Variants in TLE1 observed in about 807,000 individuals in gnomAD.
TLE1 encodes the protein transducin-like enhancer protein 1.
Under a neutral mutation model 89.8 loss-of-function variants are expected in TLE1, and 21 were observed. The observed-to-expected ratio is 0.23, with a 90% confidence interval of 0.17 to 0.34. The LOEUF is 0.34. TLE1 is among the 10% of genes least tolerant of loss of function. TLE1 has a pLI of 1.00. For missense variants in TLE1, 795 were observed against 1,031.2 expected, an observed-to-expected ratio of 0.77 and a Z score of 3.14; for synonymous variants, 447 against 407.6, an observed-to-expected ratio of 1.10 and a Z score of -1.16.
chr9:81,675,541 C>T (rs1420442887), intron 4 of TLE1, among the ~76,000 whole-genome samples: 1 of 152,038 alleles, frequency 6.6e-6, no homozygotes, highest in Non-Finnish European at 1.5e-5. Flanking sequence ...AGTCCAAACC[C>T]AAACATATTA....
At chr9:81,594,144 C>T (rs1024706900) in intron 14 of TLE1, among the ~76,000 whole-genome samples, 2 of 152,178 alleles carry the variant, frequency 1.3e-5, no homozygotes, top group African/African-American at 4.8e-5. Context: ...AGAGAGCATA[C>T]TTGCCCTCTT....
intron 6 of TLE1, among the ~76,000 whole-genome samples, chr9:81,639,096 AATT>A (rs1013788180): frequency 6.7e-6 from 1 of 148,824 alleles, no homozygotes; most frequent in Non-Finnish European, 1.5e-5. Context: ...ACACTTGGCT[AATT>A]TTTTTTTATA....
At chr9:81,604,248 T>C (rs1831343155) in intron 14 of TLE1, among the ~76,000 whole-genome samples, 1 of 152,090 alleles carries the variant, frequency 6.6e-6, no homozygotes, top group Non-Finnish European at 1.5e-5. Context: ...CCCGGTGGGG[T>C]CCCCTATGCC....
intron 6 of TLE1, among the ~76,000 whole-genome samples, chr9:81,645,947 T>C (rs1828807738): frequency 6.6e-6 from 1 of 152,152 alleles, no homozygotes; most frequent in Non-Finnish European, 1.5e-5. Flanking sequence ...CTATTTTCTA[T>C]TCTGAAGCTT....
At chr9:81,585,404 G>T in intron 18 of TLE1, 101 bp downstream of exon 18, 1 of 1,437,830 alleles carries the variant, frequency 7.0e-7, no homozygotes, top group Non-Finnish European at 9.5e-7. Flanking sequence ...CAGCTGCTCG[G>T]AGAACATTTT....
At chr9:81,662,659 T>C (rs1032094875) in intron 4 of TLE1, among the ~76,000 whole-genome samples, 27 of 150,808 alleles carry the variant, frequency 1.8e-4, no homozygotes, top group African/African-American at 4.1e-4. Context: ...GATCGCACCA[T>C]TGCACTCCAG....
intron 5 of TLE1, among the ~76,000 whole-genome samples, chr9:81,653,632 A>G (rs1427758117): frequency 6.6e-6 from 1 of 152,190 alleles, no homozygotes; most frequent in Non-Finnish European, 1.5e-5. Flanking sequence ...CCATTTTTAA[A>G]AGTCAGTATG....
chr9:81,663,461 C>G lies in TLE1; in HGVS notation c.235-9425G>C, dbSNP rs141074482. Among the ~76,000 whole-genome samples the G allele has an allele frequency of 2.6e-3, 392 of 152,256 alleles. 3 individuals carry two copies. The highest frequency in any genetic ancestry group is 8.9e-3 in the African/African-American group (370 of 41,542). On this transcript the variant is annotated intron_variant, in intron 4 of 19. Transcript: ENST00000376499. ...CGGCCCTGCCTGCAAAGCAACGCAG[C>G]TGCTGAAAGGCCATACAGCCCAAAC...
rs1825513462 is a variant in TLE1 at position 81,623,318 on chromosome 9, G to A, written c.595-2761C>T. The stretch of plus-strand genomic sequence containing the variant: ...TTAAGAGCTACTTTATACATATTTC[G>A]AGAATTCAGAGACTAAACCTGGGTA... On this transcript the variant is annotated intron_variant, in intron 8 of 19. Transcript: ENST00000376499. Among the ~76,000 whole-genome samples the A allele has an allele frequency of 3.9e-5, 6 of 151,990 alleles. No homozygotes were observed. In the South Asian group the frequency reaches 1.0e-3, roughly 26 times the overall value.
chr9:81,621,712 A>G (rs774050056), intron 8 of TLE1, among the ~76,000 whole-genome samples: 6 of 152,188 alleles, frequency 3.9e-5, no homozygotes, highest in Non-Finnish European at 8.8e-5. Context: ...GCCAGAGGTA[A>G]TCAGCCAGGT....
At chr9:81,687,521 GACATAA>G (rs996127327) in intron 1 of TLE1, 87 bp from the exon 2 acceptor site, 31 of 987,010 alleles carry the variant, frequency 3.1e-5, no homozygotes, top group Middle Eastern at 2.2e-4. Flanking sequence ...GAACGGGTGG[GACATAA>G]ACATAAAGTT....
At chr9:81,638,313 C>T (rs1313868647) in intron 6 of TLE1, among the ~76,000 whole-genome samples, 1 of 152,194 alleles carries the variant, frequency 6.6e-6, no homozygotes, top group Non-Finnish European at 1.5e-5. Flanking sequence ...CTGGCTCTGG[C>T]TTTTCTCAGA....
At chr9:81,587,537 T>C in intron 17 of TLE1, 144 bp downstream of exon 17, 1 of 1,191,366 alleles carries the variant, frequency 8.4e-7, no homozygotes, top group Non-Finnish European at 1.1e-6. Flanking sequence ...GTGGTCATTG[T>C]TTTTAAATTA....
chr9:81,688,170 C>A, intron 1 of TLE1, 47 bp downstream of exon 1: 1 of 1,600,674 alleles, frequency 6.2e-7, no homozygotes, highest in Non-Finnish European at 8.5e-7. Flanking sequence ...GGGAGAAGCG[C>A]CTCCCCAACG....
chr9:81,647,091 C>T (rs1828947051), intron 6 of TLE1, among the ~76,000 whole-genome samples: 2 of 152,042 alleles, frequency 1.3e-5, no homozygotes, highest in African/African-American at 4.8e-5. Context: ...TCTTGATCTC[C>T]TGAAGTTCAC....
intron 6 of TLE1, among the ~76,000 whole-genome samples, chr9:81,646,036 G>T (rs1372200222): frequency 6.6e-6 from 1 of 152,076 alleles, no homozygotes; most frequent in African/African-American, 2.4e-5. Flanking sequence ...AAACTATGTG[G>T]GTGGGTTGAT....
At chr9:81,619,191 T>C (rs1393537782) in intron 9 of TLE1, among the ~76,000 whole-genome samples, 1 of 152,214 alleles carries the variant, frequency 6.6e-6, no homozygotes, top group African/African-American at 2.4e-5. Flanking sequence ...ACATCAGCTC[T>C]GGGCAACAGG....
intron 14 of TLE1, among the ~76,000 whole-genome samples, chr9:81,593,931 T>TA (rs1041798071): frequency 1.6e-4 from 25 of 152,262 alleles, no homozygotes; most frequent in African/African-American, 5.1e-4. Flanking sequence ...AGTGTGCAGC[T>TA]AAAAAACTAC....
At chr9:81,645,570 G>A (rs1828754209) in intron 6 of TLE1, among the ~76,000 whole-genome samples, 2 of 151,438 alleles carry the variant, frequency 1.3e-5, no homozygotes, top group Non-Finnish European at 2.9e-5. Context: ...GAGAAACCTC[G>A]TCTCTACTAA....
Sources: gnomAD v4.1 joint callset for allele counts (sites outside exome capture counted in the v4.1 genomes callset) on GRCh38, gnomAD v4.1.1 for gene constraint, MANE v1.5 for transcripts, NCBI Gene and HGNC (gene_info 2026-07-23, HGNC 2026-07-21) for gene names.